Variants in SBSPON observed in about 807,000 individuals in gnomAD.
The protein encoded by SBSPON is somatomedin B and thrombospondin type 1 domain containing.
SBSPON carries 30 observed loss-of-function variants against 35.8 expected under a neutral mutation model. The observed-to-expected ratio is 0.84, with a 90% CI of 0.63 to 1.14. The LOEUF (loss-of-function observed/expected upper bound fraction) is 1.14, where lower values mean the gene tolerates loss of function less well. Ranked by LOEUF, SBSPON falls within the 50% of genes most tolerant of loss-of-function variation. SBSPON has a pLI of 0.00. For missense variants in SBSPON, 364 were observed against 357.7 expected (o/e 1.02, Z -0.14); for synonymous variants, 136 against 135.9 (o/e 1.00, Z 0.00).
At position 73,064,640 on chromosome 8, in the gene SBSPON, T is replaced by C. The variant is rs1810354670; in HGVS notation, c.*2701A>G. On this transcript the variant is annotated 3_prime_UTR_variant, in exon 5 of 5. Transcript: ENST00000297354. ...TATGCCAGATGATAACCAAACACTT[T>C]AAATTATTGCTGTTGCGGTTTATGC... 1 of 152,226 alleles carries C rather than the reference T, an allele frequency of 6.6e-6. No individual in the cohort carries two copies. Among genetic ancestry groups the C allele is most frequent in the Admixed American group, 6.5e-5 (1 of 15,278 alleles). 9.4% of individuals were successfully genotyped at this position (152,226 alleles called of 1,614,324 possible). A position where few individuals can be genotyped will look rare whatever the true frequency, so the allele number is the denominator to read the frequency against.
intron 2 of SBSPON, among the ~76,000 whole-genome samples, chr8:73,075,088 C>T (rs1194651869): frequency 6.6e-6 from 1 of 152,194 alleles, no homozygotes; most frequent in Non-Finnish European, 1.5e-5. Context: ...CTCTGTTTTC[C>T]AGGCTGGTCT....
In SBSPON at chr8:73,081,200, G is replaced by A. The variant is rs1050686789; in HGVS notation, c.228C>T (p.Phe76=). 4.4e-6 allele frequency: 7 copies of A among 1,584,264 alleles called. No homozygotes were observed. Among genetic ancestry groups the A allele is most frequent in the East Asian group, 2.3e-5 (1 of 43,606 alleles). The change falls in exon 2 of 5, where the codon TTC becomes TTT. Residue 76 remains phenylalanine (F), a synonymous_variant. Coordinates refer to ENST00000297354, the MANE Select transcript of SBSPON (RefSeq NM_153225.4). The stretch of plus-strand genomic sequence containing the variant: ...CACTCCAGGGGCTCCATTCCCCCAC[G>A]AAGCACGGGCGAGCTGAAAAACAGC... ...YDRACPARPC[F]VGEWSPWSGC...
rs1483277708 is a variant in SBSPON, at chr8:73,067,377, A to T, written c.759T>A (p.Cys253Ter). 6.2e-7 allele frequency: 1 copy of T among 1,608,834 alleles called. No homozygotes were observed. The change falls in exon 5 of 5, where the codon TGT becomes TGA. Residue 253 changes from cysteine (C) to a stop codon, truncating the protein, a stop_gained. Transcript: ENST00000297354. LOFTEE classifies it high-confidence loss of function. ...TWKKVRRVDQCSCPAVHSFIF... is the reference protein window; with the variant it reads ...TWKKVRRVDQ ...TAAAACTGTGAACAGCTGGACAAGA[A>T]CACTGGTCTACTCGCCGAACTTTTT...
chr8:73,077,414 A>T (rs924020288), intron 2 of SBSPON, among the ~76,000 whole-genome samples: 5 of 152,244 alleles, frequency 3.3e-5, no homozygotes, highest in African/African-American at 1.2e-4. Context: ...GGAAGGCAGT[A>T]ACAGGGACAC....
chr8:73,070,062 C>T (rs1295896826), intron 3 of SBSPON, 81 bp from the exon 4 acceptor site: 4 of 852,162 alleles, frequency 4.7e-6, no homozygotes, highest in Non-Finnish European at 7.2e-6. Flanking sequence ...AAGCCTGTCA[C>T]CTCCAAGGGC....
rs1810391344 is a variant in SBSPON at position 73,066,623 on chromosome 8, CA to C, written c.*717del. 1 of 152,088 alleles carries C rather than the reference CA, an allele frequency of 6.6e-6. No homozygotes were observed. Among genetic ancestry groups the C allele is most frequent in the Non-Finnish European group, 1.5e-5 (1 of 68,018 alleles). The allele number at this position is 152,088 out of a possible 1,614,324, so 9.4% of individuals were successfully genotyped here. ...GGTGGTAGAATTTTCAGAATGAAAG[CA>C]ATTGTTTCATTCACTGGTGTCAACA... On this transcript the variant is annotated 3_prime_UTR_variant, in exon 5 of 5. Coordinates refer to ENST00000297354, the MANE Select transcript of SBSPON (RefSeq NM_153225.4).
At chr8:73,086,525 C>G (rs1810829540) in intron 1 of SBSPON, among the ~76,000 whole-genome samples, 1 of 152,156 alleles carries the variant, frequency 6.6e-6, no homozygotes, top group African/African-American at 2.4e-5. Flanking sequence ...CAAAGCTTCT[C>G]TGAAAGCCAA....
At chr8:73,084,089 AG>A (rs1810770547) in intron 1 of SBSPON, among the ~76,000 whole-genome samples, 1 of 152,252 alleles carries the variant, frequency 6.6e-6, no homozygotes, top group Non-Finnish European at 1.5e-5. Context: ...AAAAGCTAAA[AG>A]CTCTGCTGAA....
At chr8:73,075,541 T>C (rs1810577102) in intron 2 of SBSPON, 1 of 152,298 alleles carries the variant, frequency 6.6e-6, no homozygotes, top group Admixed American at 6.5e-5. Flanking sequence ...GTGCAATATA[T>C]TCTTTGTTCA....
At chr8:73,088,741 T>C (rs1002960541) in intron 1 of SBSPON, among the ~76,000 whole-genome samples, 12 of 152,132 alleles carry the variant, frequency 7.9e-5, no homozygotes, top group Non-Finnish European at 1.6e-4. Context: ...TCTATGAGTA[T>C]AGAGTAACTG....
At position 73,065,215 on chromosome 8, in the gene SBSPON, T is replaced by C. The variant is rs1011235462; in HGVS notation, c.*2126A>G. 6.6e-6 allele frequency: 1 copy of C among 152,168 alleles called. No individual in the cohort carries two copies. Among genetic ancestry groups the C allele is most frequent in the African/African-American group, 2.4e-5 (1 of 41,452 alleles). The allele number at this position is 152,168 out of a possible 1,614,324, so 9.4% of individuals were successfully genotyped here. A position where few individuals can be genotyped will look rare whatever the true frequency, so the allele number is the denominator to read the frequency against. On this transcript the variant is annotated 3_prime_UTR_variant, in exon 5 of 5. Transcript: ENST00000297354. ...GCAATTACTGGTCATCCACCAAAAA[T>C]TAAATGCATAAGGTGAAAAATTTAT...
Position 73,089,739 on chromosome 8 carries a change from G to A in SBSPON, c.214+3115C>T, listed in dbSNP as rs565947519. ...ATCAAATGAAATATTCTCCGCTGTC[G>A]ACCAGTGCTAAGAGCCAACCAACAG... On this transcript the variant is annotated intron_variant, in intron 1 of 4. Transcript: ENST00000297354. Among the ~76,000 whole-genome samples the A allele has an allele frequency of 4.6e-5, 7 of 152,186 alleles. No individual in the cohort carries two copies. The South Asian group carries it at 8.3e-4, about 18-fold the overall frequency.
At chr8:73,073,845 G>A (rs746762761) in intron 2 of SBSPON, among the ~76,000 whole-genome samples, 84 of 151,942 alleles carry the variant, frequency 5.5e-4, no homozygotes, top group Non-Finnish European at 1.1e-3. Flanking sequence ...ACAGACAAGA[G>A]CAGCTGCCTA....
chr8:73,086,576 A>G (rs1810830434), intron 1 of SBSPON, among the ~76,000 whole-genome samples: 1 of 152,198 alleles, frequency 6.6e-6, no homozygotes. Flanking sequence ...TCCCTCAGAA[A>G]GCTCAAATAA....
chr8:73,070,060 C>A, intron 3 of SBSPON, 79 bp from the exon 4 acceptor site: 1 of 896,458 alleles, frequency 1.1e-6, no homozygotes, highest in South Asian at 1.8e-5. Flanking sequence ...GAAAGCCTGT[C>A]ACCTCCAAGG....
Position 73,067,110 on chromosome 8 carries a change from A to C in SBSPON, c.*231T>G, listed in dbSNP as rs1014327927. ...TGAGAGGACTCCAGTTGAAAGGTCA[A>C]GAACATAAAACCACAAGAGCTTTTT... is the stretch of plus-strand genomic sequence containing the variant. On this transcript the variant is annotated 3_prime_UTR_variant, in exon 5 of 5. Transcript: ENST00000297354. The C allele has an allele frequency of 5.1e-6, 2 of 391,500 alleles. No homozygotes were observed. The highest frequency in any genetic ancestry group is 9.4e-6 in the Non-Finnish European group (2 of 213,446). The allele number at this position is 391,500 out of a possible 1,614,324, so 24.3% of individuals were successfully genotyped here.
rs745682107 is a variant in SBSPON, at chr8:73,081,039, T to C, written c.389A>G (p.Gln130Arg). ...GCLEYSTPQG[Q>R]DCGHTYVPAF... ...AGTACCATAGGTGTGCCCGCAGTCCTGGCCCTGCGGGGTGGAGTACTCCAG... is the reference window on the plus strand; with the variant it reads ...AGTACCATAGGTGTGCCCGCAGTCCCGGCCCTGCGGGGTGGAGTACTCCAG... Residue 130 changes from glutamine (Q) to arginine (R), a missense_variant, in exon 2 of 5, where the codon CAG (glutamine) becomes CGG (arginine). Gln to Arg is a conservative substitution (Grantham distance 43). Coordinates refer to ENST00000297354, the MANE Select transcript of SBSPON (RefSeq NM_153225.4). 6.2e-7 allele frequency: 1 copy of C among 1,606,880 alleles called. No homozygotes were observed. Among genetic ancestry groups the C allele is most frequent in the African/African-American group, 1.3e-5 (1 of 74,704 alleles).
At chr8:73,089,470 C>T (rs929992201) in intron 1 of SBSPON, among the ~76,000 whole-genome samples, 4 of 151,614 alleles carry the variant, frequency 2.6e-5, no homozygotes, top group Non-Finnish European at 5.9e-5. Flanking sequence ...GCAGGAGAAT[C>T]GCTTGAACCT....
intron 1 of SBSPON, among the ~76,000 whole-genome samples, chr8:73,086,797 T>G (rs1204651295): frequency 6.6e-6 from 1 of 152,244 alleles, no homozygotes; most frequent in African/African-American, 2.4e-5. Flanking sequence ...TTTTTCTTTC[T>G]GGGTAACAGG....
Sources: gnomAD v4.1 joint callset for allele counts (sites outside exome capture counted in the v4.1 genomes callset) on GRCh38, gnomAD v4.1.1 for gene constraint, MANE v1.5 for transcripts, NCBI Gene and HGNC (gene_info 2026-07-23, HGNC 2026-07-21) for gene names.